EIF4A1: variants seen among roughly 807,000 people sequenced by gnomAD.
EIF4A1 encodes eukaryotic translation initiation factor 4A1.
EIF4A1 carries 11 observed loss-of-function variants against 53.5 expected under a neutral mutation model. The ratio of observed to expected loss-of-function variants is 0.21; its 90% confidence interval spans 0.13 to 0.34. The LOEUF is 0.34. EIF4A1 is among the 10% of genes least tolerant of loss of function. The probability of loss-of-function intolerance (pLI) is 1.00; values close to 1 mark genes in which losing one functional copy is unlikely to be tolerated. For missense variants in EIF4A1, 213 were observed against 530.8 expected, an observed-to-expected ratio of 0.40 and a Z score of 5.88; for synonymous variants, 237 against 186.7, an observed-to-expected ratio of 1.27 and a Z score of -2.20.
rs1290772850 is a variant in EIF4A1 at position 7,577,919 on chromosome 17, G to A, written c.996+3G>A. On this transcript the variant is annotated splice_donor_region_variant and intron_variant, in intron 9 of 10. Transcript: ENST00000293831. This position sits in a 1 kb window ranked among gnomAD's most constrained non-coding sequence, Gnocchi z 4.7. The stretch of plus-strand genomic sequence containing the variant: ...TTTTGATTACCACTGACCTGCTGGT[G>A]AGTAGAGGGAACTGATAGCAAAGGC... 1.9e-6 allele frequency: 3 copies of A among 1,614,148 alleles called. No homozygotes were observed. Among genetic ancestry groups the A allele is most frequent in the South Asian group, 1.1e-5 (1 of 91,076 alleles).
chr17:7,578,285 T>G (rs2071430181), intron 10 of EIF4A1, 41 bp downstream of exon 10: 1 of 1,613,994 alleles, frequency 6.2e-7, no homozygotes, highest in East Asian at 2.2e-5. Flanking sequence ...CCTTCACACC[T>G]GGCCCTCCCT....
intron 3 of EIF4A1, 63 bp from the exon 4 acceptor site, chr17:7,575,056 A>C: frequency 6.3e-7 from 1 of 1,597,274 alleles, no homozygotes; most frequent in Non-Finnish European, 8.5e-7. Context: ...TCATTAACCT[A>C]GGACTTGAAT....
chr17:7,574,973 T>A (rs1382573558), intron 3 of EIF4A1, 146 bp from the exon 4 acceptor site: 11 of 1,187,516 alleles, frequency 9.3e-6, no homozygotes, highest in Non-Finnish European at 1.3e-5. Flanking sequence ...CTGGTTCCCA[T>A]TGTGTAACTG....
intron 5 of EIF4A1, 161 bp downstream of exon 5, chr17:7,576,853 TC>T: frequency 7.1e-7 from 1 of 1,406,846 alleles, no homozygotes. Flanking sequence ...GCCTCTGGCT[TC>T]CCTGCCAGTG....
In EIF4A1 at chr17:7,577,977, A is replaced by G. The variant is rs2071424363; in HGVS notation, c.996+61A>G. On this transcript the variant is annotated intron_variant, in intron 9 of 10. Coordinates refer to ENST00000293831, the MANE Select transcript of EIF4A1 (RefSeq NM_001416.4). This position sits in a 1 kb window ranked among gnomAD's most constrained non-coding sequence, Gnocchi z 4.7. ...AGGATCCAAGGTGATTCCCTCTCCA[A>G]GGGGACATCAGTGCCTCTCAGGAAA... 4 of 1,604,740 alleles carry G rather than the reference A, an allele frequency of 2.5e-6. No homozygotes were observed. The highest frequency in any genetic ancestry group is 3.4e-6 in the Non-Finnish European group (4 of 1,171,644).
chr17:7,578,121 G>C, intron 9 of EIF4A1, 44 bp from the exon 10 acceptor site: 2 of 1,613,294 alleles, frequency 1.2e-6, no homozygotes, highest in Non-Finnish European at 1.7e-6. Context: ...CCGGGATAGA[G>C]TGTCCTCCGT....
rs76454172 is a variant in EIF4A1 at position 7,576,112 on chromosome 17, T to C, written c.346-412T>C. The C allele has an allele frequency of 1.7e-3, 272 of 155,784 alleles. 3 individuals are homozygous for C. The highest frequency in any genetic ancestry group is 0.014 in the East Asian group (74 of 5,246). 9.7% of individuals were successfully genotyped at this position (155,784 alleles called of 1,614,324 possible). On this transcript the variant is annotated intron_variant, in intron 4 of 10. Coordinates refer to ENST00000293831, the MANE Select transcript of EIF4A1 (RefSeq NM_001416.4). ...TTAACCCAGGAGGTGGAGGTTGCAG[T>C]GAGCTGAGATTGTGCCATTGCACTC... is the stretch of plus-strand genomic sequence containing the variant.
rs2071436822 is a variant in EIF4A1, at chr17:7,578,706, A to G, written c.*220A>G. ...CAGGCGCCGGCTCTTCTCCCAAAAAAAAAAAAAAAACACTAATCCATTTCC... is the reference window on the plus strand; with the variant it reads ...CAGGCGCCGGCTCTTCTCCCAAAAAGAAAAAAAAAACACTAATCCATTTCC... On this transcript the variant is annotated 3_prime_UTR_variant, in exon 11 of 11. Transcript: ENST00000293831. 1 of 409,394 alleles carries G rather than the reference A, an allele frequency of 2.4e-6. No homozygotes were observed. Among genetic ancestry groups the G allele is most frequent in the Non-Finnish European group, 4.2e-6 (1 of 238,224 alleles). The allele number at this position is 409,394 out of a possible 1,614,324, so 25.4% of individuals were successfully genotyped here. A position where few individuals can be genotyped will look rare whatever the true frequency, so the allele number is the denominator to read the frequency against.
intron 1 of EIF4A1, 117 bp from the exon 2 acceptor site, chr17:7,574,143 G>T: frequency 8.4e-7 from 1 of 1,185,058 alleles, no homozygotes; most frequent in South Asian, 1.3e-5. Flanking sequence ...GGTGGGAGTT[G>T]GATCTGGGAC....
rs758009010 is a variant in EIF4A1, at chr17:7,575,135, T to C, written c.222T>C (p.Ala74=). ...TTTGTTTAGGTTATGATGTGATTGC[T>C]CAAGCCCAATCTGGGACTGGGAAAA... ...LPCIKGYDVI[A]QAQSGTGKTA... The change falls in exon 4 of 11, where the codon GCT becomes GCC. Residue 74 remains alanine, a synonymous_variant. Transcript: ENST00000293831. 6.2e-7 allele frequency: 1 copy of C among 1,612,230 alleles called. No homozygotes were observed. The highest frequency in any genetic ancestry group is 8.5e-7 in the Non-Finnish European group (1 of 1,179,952).
chr17:7,578,415 C>T lies in EIF4A1; in HGVS notation c.1150C>T (p.Leu384Phe), dbSNP rs754812366. 2 of 1,613,886 alleles carry T rather than the reference C, an allele frequency of 1.2e-6. No individual in the cohort carries two copies. Among genetic ancestry groups the T allele is most frequent in the Non-Finnish European group, 1.7e-6 (2 of 1,179,858 alleles). Residue 384 changes from leucine to phenylalanine, a missense_variant, in exon 11 of 11, where the codon CTT (leucine) becomes TTT (phenylalanine). Physicochemically the swap from Leu to Phe is conservative, Grantham distance 22. Around this residue, in one of 4 missense-constraint regions of EIF4A1, gnomAD observed 28 missense variants for 42.5 expected, o/e 0.66. Coordinates refer to ENST00000293831, the MANE Select transcript of EIF4A1 (RefSeq NM_001416.4). Reference protein sequence around the residue: ...NMVTEEDKRTLRDIETFYNTS... With the variant: ...NMVTEEDKRTFRDIETFYNTS... ...GGTGACAGAAGAAGACAAGAGGACTCTTCGAGACATTGAGACCTTCTACAA... is the reference window on the plus strand; with the variant it reads ...GGTGACAGAAGAAGACAAGAGGACTTTTCGAGACATTGAGACCTTCTACAA...
chr17:7,574,467 C>T, intron 2 of EIF4A1, 79 bp from the exon 3 acceptor site: 4 of 1,603,256 alleles, frequency 2.5e-6, no homozygotes, highest in Non-Finnish European at 3.4e-6. Flanking sequence ...TAGTAGGCAC[C>T]AGATTCTGTT....
In EIF4A1 at chr17:7,577,561, A is replaced by G. The variant is rs373864323; in HGVS notation, c.769-8A>G. The stretch of plus-strand genomic sequence containing the variant: ...GCCCCTGACTGATTTTTGTCCCCCA[A>G]CCTCCAGGAGTGGAAGCTGGACACA... On this transcript the variant is annotated splice_region_variant and splice_polypyrimidine_tract_variant and intron_variant, in intron 7 of 10. Transcript: ENST00000293831. This position sits in a 1 kb window ranked among gnomAD's most constrained non-coding sequence, Gnocchi z 4.7. 1 of 1,612,860 alleles carries G rather than the reference A, an allele frequency of 6.2e-7. No individual in the cohort carries two copies. Among genetic ancestry groups the G allele is most frequent in the Non-Finnish European group, 8.5e-7 (1 of 1,179,214 alleles).
At chr17:7,575,010 C>G in intron 3 of EIF4A1, 109 bp from the exon 4 acceptor site, 1 of 1,440,298 alleles carries the variant, frequency 6.9e-7, no homozygotes, top group Non-Finnish European at 9.5e-7. Flanking sequence ...AGTTTGTGAG[C>G]CATGAAATGC....
intron 4 of EIF4A1, 61 bp from the exon 5 acceptor site, chr17:7,576,463 T>G: frequency 6.8e-7 from 1 of 1,479,082 alleles, no homozygotes; most frequent in Non-Finnish European, 9.0e-7. Flanking sequence ...TGAAAAACAT[T>G]TAAGAATGGT....
chr17:7,574,760 A>C (rs192210480), intron 3 of EIF4A1, 82 bp downstream of exon 3: 2 of 1,599,002 alleles, frequency 1.3e-6, no homozygotes, highest in Non-Finnish European at 1.7e-6. Flanking sequence ...TGCCCATCTC[A>C]TATCAGCCAG....
In EIF4A1 at chr17:7,578,700, C is replaced by CA. The variant is rs575255819; in HGVS notation, c.*230dup. 0.21 allele frequency: 51,960 copies of CA among 249,320 alleles called. 3,593 individuals carry two copies. Among genetic ancestry groups the CA allele is most frequent in the Non-Finnish European group, 0.25 (33,706 of 136,902 alleles). 15.4% of individuals were successfully genotyped at this position (249,320 alleles called of 1,614,324 possible). On this transcript the variant is annotated 3_prime_UTR_variant, in exon 11 of 11. Transcript: ENST00000293831. ...TTGCCCCAGGCGCCGGCTCTTCTCC[C>CA]AAAAAAAAAAAAAAAACACTAATCC...
chr17:7,574,028 G>A (rs2071365415), intron 1 of EIF4A1: 5 of 551,030 alleles, frequency 9.1e-6, no homozygotes, highest in South Asian at 2.3e-5. Flanking sequence ...TCTTCAGAAA[G>A]GGTCACCCCC....
chr17:7,576,282 G>A (rs2071400833), intron 4 of EIF4A1: 6 of 394,902 alleles, frequency 1.5e-5, no homozygotes, highest in Non-Finnish European at 2.2e-5. Flanking sequence ...TTATCTGAGC[G>A]GCCTCATTGT....
Sources: gnomAD v4.1 joint callset for allele counts on GRCh38, gnomAD v4.1.1 for gene constraint, gnomAD v4.1.1 regional missense constraint, Gnocchi (gnomAD v3.1) non-coding constraint, MANE v1.5 for transcripts, NCBI Gene and HGNC (gene_info 2026-07-23, HGNC 2026-07-21) for gene names.